TEX29: variants seen among roughly 807,000 people sequenced by gnomAD.
TEX29 encodes the protein testis-expressed protein 29.
TEX29 carries 26 observed loss-of-function variants against 18.2 expected under a neutral mutation model. The ratio of observed to expected loss-of-function variants is 1.43; its 90% CI spans 1.04 to 1.98. The LOEUF (loss-of-function observed/expected upper bound fraction) is 1.98, where lower values mean the gene tolerates loss of function less well. Ranked by LOEUF, TEX29 falls within the 30% of genes most tolerant of loss-of-function variation. The pLI, the probability that TEX29 is intolerant of heterozygous loss-of-function variation, is 0.00. For missense variants in TEX29, 177 were observed against 194.2 expected, an observed-to-expected ratio of 0.91 and a Z score of 0.53; for synonymous variants, 83 against 78.5, an observed-to-expected ratio of 1.06 and a Z score of -0.31.
chr13:111,332,343 A>G (rs1003447413), intron 3 of TEX29, among the ~76,000 whole-genome samples: 6 of 152,170 alleles, frequency 3.9e-5, no homozygotes, highest in East Asian at 1.9e-4. Flanking sequence ...CAGATTGTCT[A>G]TTGCCAGCAT....
intron 5 of TEX29, 31 bp downstream of exon 5, chr13:111,342,962 A>G: frequency 6.2e-7 from 1 of 1,609,688 alleles, no homozygotes; most frequent in South Asian, 1.1e-5. Context: ...TCCTCAGCCT[A>G]AGGTCAAGGG....
chr13:111,328,460 T>G (rs555889539), intron 3 of TEX29, among the ~76,000 whole-genome samples, 167 bp downstream of exon 3: 1 of 152,192 alleles, frequency 6.6e-6, no homozygotes, highest in African/African-American at 2.4e-5. Flanking sequence ...ACAGTAGACT[T>G]GGAGTGGGGT....
upstream of TEX29, among the ~76,000 whole-genome samples, chr13:111,318,942 G>A (rs1001322201): frequency 3.9e-5 from 6 of 152,194 alleles, no homozygotes; most frequent in African/African-American, 7.2e-5. Context: ...ATGGAGGTGT[G>A]GCAGATTTGC....
chr13:111,342,723 T>C, intron 4 of TEX29, 33 bp from the exon 5 acceptor site: 1 of 1,602,140 alleles, frequency 6.2e-7, no homozygotes, highest in East Asian at 2.2e-5. Context: ...ATCTGTAACT[T>C]CCCTGACTGT....
upstream of TEX29, among the ~76,000 whole-genome samples, chr13:111,318,385 T>G (rs1465357017): frequency 1.3e-5 from 2 of 152,196 alleles, no homozygotes; most frequent in African/African-American, 2.4e-5. Context: ...TCACTGGTTA[T>G]CACGTGGGAA....
intron 2 of TEX29, 99 bp from the exon 3 acceptor site, chr13:111,328,084 C>T: frequency 1.4e-6 from 1 of 728,266 alleles, no homozygotes; most frequent in Non-Finnish European, 2.4e-6. Context: ...ACAACACAAA[C>T]CCACAGCTGC....
chr13:111,317,150 A>G (rs527438058), upstream of TEX29, among the ~76,000 whole-genome samples: 4 of 152,174 alleles, frequency 2.6e-5, no homozygotes, highest in African/African-American at 9.6e-5. Flanking sequence ...ATTCGTAAAG[A>G]AAGGTGGCTG....
chr13:111,320,995 T>TGGGGGGGGGGCCCCTGTGG, intron 2 of TEX29, 47 bp downstream of exon 2: 1 of 320,864 alleles, frequency 3.1e-6, no homozygotes, highest in East Asian at 7.5e-5. Flanking sequence ...GGGGAGCAGT[T>TGGGGGGGGGGCCCCTGTGG]GGGGGGGGGC....
intron 2 of TEX29, among the ~76,000 whole-genome samples, chr13:111,325,124 C>T (rs1221825221): frequency 6.6e-6 from 1 of 152,228 alleles, no homozygotes; most frequent in African/African-American, 2.4e-5. Context: ...CCAGGAAGCA[C>T]TCGGCTCATT....
At chr13:111,317,067 G>A (rs2093655751), upstream of TEX29, among the ~76,000 whole-genome samples, 1 of 152,138 alleles carries the variant, frequency 6.6e-6, no homozygotes, top group Admixed American at 6.5e-5. Flanking sequence ...TACAATTCGA[G>A]ATGAGATTTG....
At chr13:111,325,184 C>T (rs914262411) in intron 2 of TEX29, among the ~76,000 whole-genome samples, 8 of 152,208 alleles carry the variant, frequency 5.3e-5, no homozygotes, top group African/African-American at 1.7e-4. Context: ...TCAGGAAGAA[C>T]GTGGTTGCCC....
intron 3 of TEX29, among the ~76,000 whole-genome samples, chr13:111,330,376 A>T (rs546627740): frequency 1.1e-3 from 160 of 152,232 alleles, no homozygotes; most frequent in Non-Finnish European, 2.0e-3. Context: ...CTCAGAGACA[A>T]ATGAGAGGTC....
chr13:111,339,492 C>T (rs758568559), intron 3 of TEX29: 4 of 404,630 alleles, frequency 9.9e-6, no homozygotes, highest in South Asian at 3.9e-5. Context: ...GAGCCAGCGC[C>T]GTCTCTCAAT....
At chr13:111,324,747 T>G (rs2093670020) in intron 2 of TEX29, among the ~76,000 whole-genome samples, 1 of 152,202 alleles carries the variant, frequency 6.6e-6, no homozygotes, top group Non-Finnish European at 1.5e-5. Context: ...CCTCACTGCC[T>G]GGGTCGGAAA....
intron 5 of TEX29, among the ~76,000 whole-genome samples, chr13:111,343,241 C>A (rs1019895692): frequency 1.1e-4 from 17 of 152,112 alleles, no homozygotes; most frequent in Non-Finnish European, 2.4e-4. Flanking sequence ...GGGGAGGGGG[C>A]AAGAGTCCTG....
upstream of TEX29, among the ~76,000 whole-genome samples, chr13:111,320,245 C>T (rs905462949): frequency 1.3e-5 from 2 of 152,202 alleles, no homozygotes; most frequent in Non-Finnish European, 2.9e-5. Context: ...GAGGCAGCTA[C>T]GTCACTCTGT....
At chr13:111,339,837 T>G in intron 3 of TEX29, 26 bp from the exon 4 acceptor site, 2 of 1,611,362 alleles carry the variant, frequency 1.2e-6, no homozygotes, top group Middle Eastern at 1.7e-4. Flanking sequence ...TGGATCGAAA[T>G]GACTTCAAAT....
chr13:111,321,089 G>T, intron 2 of TEX29, 141 bp downstream of exon 2: 1 of 891,040 alleles, frequency 1.1e-6, no homozygotes, highest in Non-Finnish European at 1.7e-6. Context: ...AGCAAAATGT[G>T]TGTTCAGGAA....
chr13:111,319,496 C>T (rs148304941), upstream of TEX29, among the ~76,000 whole-genome samples: 56 of 152,292 alleles, frequency 3.7e-4, no homozygotes, highest in African/African-American at 1.2e-3. Context: ...GCTTCCTGGG[C>T]GTGTCCCCTA....
Sources: gnomAD v4.1 joint callset for allele counts (sites outside exome capture counted in the v4.1 genomes callset) on GRCh38, gnomAD v4.1.1 for gene constraint, MANE v1.5 for transcripts, NCBI Gene and HGNC (gene_info 2026-07-23, HGNC 2026-07-21) for gene names.